The following MYO9B variants were observed in gnomAD, a reference collection of about 807,000 sequenced individuals.
MYO9B encodes the protein unconventional myosin-IXb.
MYO9B carries 71 observed loss-of-function variants against 229.5 expected under a neutral mutation model. The ratio of observed to expected loss-of-function variants is 0.31; its 90% CI spans 0.26 to 0.38. The LOEUF is 0.38. Among genes scored for constraint, MYO9B ranks in the 10% least tolerant of loss-of-function variants. The pLI is 1.00. For missense variants in MYO9B, 2,255 were observed against 2,920.5 expected (o/e 0.77, Z 5.25); for synonymous variants, 1,185 against 1,235.8 (o/e 0.96, Z 0.86).
chr19:17,198,619 C>T (rs372891954), intron 24 of MYO9B, among the ~76,000 whole-genome samples: 1 of 151,778 alleles, frequency 6.6e-6, no homozygotes, highest in Non-Finnish European at 1.5e-5. Flanking sequence ...CCTATAATCC[C>T]AGCCACTCGG....
chr19:17,101,690 G>T lies in MYO9B; in HGVS notation c.-28G>T, dbSNP rs1386960801. The T allele has an allele frequency of 6.5e-7, 1 of 1,535,744 alleles. No individual in the cohort carries two copies. The highest frequency in any genetic ancestry group is 1.4e-5 in the African/African-American group (1 of 72,922). On this transcript the variant is annotated 5_prime_UTR_variant, in exon 2 of 40. It adds an upstream start codon to the 5' untranslated region. Coordinates refer to ENST00000682292, the MANE Select transcript of MYO9B (RefSeq NM_004145.4). This position sits in a 1 kb window ranked among gnomAD's most constrained non-coding sequence, Gnocchi z 4.7. ...GGACACGCGCGCCCCGAGCCTGGGA[G>T]GCATGCTGAAGCCAGGCGGCCGGCA... is the stretch of plus-strand genomic sequence containing the variant.
At chr19:17,184,835 G>A (rs1202137697) in intron 16 of MYO9B, 30 bp from the exon 17 acceptor site, 3 of 1,612,882 alleles carry the variant, frequency 1.9e-6, no homozygotes, top group Admixed American at 1.7e-5. Context: ...GCTGTGGGAG[G>A]GCAGGCCGGA....
Position 17,211,657 on chromosome 19 carries a change from A to G in MYO9B, c.5941A>G (p.Thr1981Ala), listed in dbSNP as rs958148141. The G allele has an allele frequency of 6.2e-7, 1 of 1,604,034 alleles. No homozygotes were observed. ...QSIKEEKEDI[T>A]YRLPELDPRG... ...CCCTTTTTCCTCCAGGGAGGACATCACCTACCGGCTGCCGGAGCTGGACCC... is the reference window on the plus strand; with the variant it reads ...CCCTTTTTCCTCCAGGGAGGACATCGCCTACCGGCTGCCGGAGCTGGACCC... The change falls in exon 39 of 40, where the codon ACC (threonine) becomes GCC (alanine). Residue 1981 changes from threonine to alanine, a missense_variant. Physicochemically the swap from Thr to Ala is moderately conservative, Grantham distance 58. Around this residue, in one of 7 missense-constraint regions of MYO9B, gnomAD observed 331 missense variants for 332.5 expected, o/e 1.00. Transcript: ENST00000682292.
intron 1 of MYO9B, among the ~76,000 whole-genome samples, chr19:17,098,683 C>T (rs1293360707): frequency 6.6e-6 from 1 of 152,148 alleles, no homozygotes; most frequent in Non-Finnish European, 1.5e-5. Flanking sequence ...AATCTCAGCA[C>T]TCTAGGGGGC....
At position 17,128,555 on chromosome 19, in the gene MYO9B, T is replaced by G. The variant is rs367594564; in HGVS notation, c.841-16842T>G. Among the ~76,000 whole-genome samples the G allele has an allele frequency of 5.3e-5, 8 of 152,226 alleles. No individual in the cohort carries two copies. The East Asian group carries it at 1.3e-3, about 26-fold the overall frequency. On this transcript the variant is annotated intron_variant, in intron 2 of 39. Coordinates refer to ENST00000682292, the MANE Select transcript of MYO9B (RefSeq NM_004145.4). ...CCTCAGGCGTCCTGGGACAGGGCAC[T>G]GCCCATAGGGCTCCTGTGTCCATGA...
In MYO9B at chr19:17,187,936, A is replaced by G. The variant is rs2072937206; in HGVS notation, c.2579A>G (p.Lys860Arg). Reference protein sequence around the residue: ...IRCIRSNAEKKELCFDDELVL... With the variant: ...IRCIRSNAEKRELCFDDELVL... ...TGATGTCTCGCATTCCCATTTCAGA[A>G]AGAGCTGTGCTTTGACGACGAGCTG... The change falls in exon 19 of 40, where the codon AAA becomes AGA. Residue 860 changes from lysine to arginine, a missense_variant and splice_region_variant. Physicochemically the swap from Lys to Arg is conservative, Grantham distance 26 (BLOSUM62 2). Coordinates refer to ENST00000682292, the MANE Select transcript of MYO9B (RefSeq NM_004145.4). 1 of 1,580,640 alleles carries G rather than the reference A, an allele frequency of 6.3e-7. No homozygotes were observed. Among genetic ancestry groups the G allele is most frequent in the Non-Finnish European group, 8.6e-7 (1 of 1,163,226 alleles).
At position 17,181,051 on chromosome 19, in the gene MYO9B, C is replaced by A. The variant is rs759991723; in HGVS notation, c.2333+11C>A. On this transcript the variant is annotated intron_variant, in intron 15 of 39. Coordinates refer to ENST00000682292, the MANE Select transcript of MYO9B (RefSeq NM_004145.4). ...CCGCGCCTTCATCCTGTGAGTCCCC[C>A]ACCAAGGCCCTGCTTACAAGTGCGA... is the stretch of plus-strand genomic sequence containing the variant. The A allele has an allele frequency of 1.3e-6, 2 of 1,578,612 alleles. No individual in the cohort carries two copies. Among genetic ancestry groups the A allele is most frequent in the South Asian group, 1.1e-5 (1 of 88,640 alleles).
chr19:17,193,813 G>C lies in MYO9B; in HGVS notation c.3129-743G>C, dbSNP rs1321995243. On this transcript the variant is annotated intron_variant, in intron 21 of 39. Transcript: ENST00000682292. This position sits in a 1 kb window ranked among gnomAD's most constrained non-coding sequence, Gnocchi z 4.3. Reference sequence around the variant, plus strand: ...GGATCACCTGGGCCTGGGATGTCGAGGCTGCAGTGAGCTATGATCACACCA... The same window carrying C: ...GGATCACCTGGGCCTGGGATGTCGACGCTGCAGTGAGCTATGATCACACCA... 6.6e-6 allele frequency among the ~76,000 whole-genome samples: 1 copy of C among 152,174 alleles called. No individual in the cohort carries two copies. Among genetic ancestry groups the C allele is most frequent in the Non-Finnish European group, 1.5e-5 (1 of 68,030 alleles).
intron 11 of MYO9B, among the ~76,000 whole-genome samples, chr19:17,170,618 C>G (rs2072712203): frequency 7.8e-6 from 1 of 127,844 alleles, no homozygotes; most frequent in Non-Finnish European, 1.6e-5. Flanking sequence ...AAAGACCAGC[C>G]TGGGCACCAT....
rs1267334185 is a variant in MYO9B, at chr19:17,154,342, G to C, written c.1126G>C (p.Asp376His). 6.2e-7 allele frequency: 1 copy of C among 1,613,076 alleles called. No homozygotes were observed. Among genetic ancestry groups the C allele is most frequent in the Non-Finnish European group, 8.5e-7 (1 of 1,179,224 alleles). Residue 376 changes from aspartate (D) to histidine (H), a missense_variant, in exon 6 of 40, where the codon GAC becomes CAC. Asp to His is a moderately conservative substitution (Grantham distance 81). Coordinates refer to ENST00000682292, the MANE Select transcript of MYO9B (RefSeq NM_004145.4). ...TAACTTGAAGATTGAAGATGGGGAG[G>C]ACCTGAAGCATGACTTTGAGAGGCT... ...QHNLKIEDGEDLKHDFERLKQ... is the reference protein window; with the variant it reads ...QHNLKIEDGEHLKHDFERLKQ...
intron 2 of MYO9B, among the ~76,000 whole-genome samples, chr19:17,128,899 C>A (rs1420695539): frequency 1.7e-4 from 26 of 152,216 alleles, no homozygotes; most frequent in Non-Finnish European, 3.5e-4. Flanking sequence ...CTCTTTCAGC[C>A]CCTTTCTTTA....
At chr19:17,209,786 C>T in intron 36 of MYO9B, 77 bp downstream of exon 36, 2 of 1,297,224 alleles carry the variant, frequency 1.5e-6, no homozygotes, top group Non-Finnish European at 2.1e-6. Flanking sequence ...TTGGGCGTGG[C>T]TTTGTTGCTG....
At chr19:17,169,474 C>G (rs1251447829) in intron 11 of MYO9B, among the ~76,000 whole-genome samples, 1 of 151,984 alleles carries the variant, frequency 6.6e-6, no homozygotes, top group Non-Finnish European at 1.5e-5. Context: ...CAAAAATTAG[C>G]CAGGCATGGT....
rs1219354549 is a variant in MYO9B at position 17,109,767 on chromosome 19, T to C, written c.840+7210T>C. Among the ~76,000 whole-genome samples the C allele has an allele frequency of 3.3e-5, 5 of 152,276 alleles. No individual in the cohort carries two copies. The East Asian group carries it at 9.6e-4, about 29-fold the overall frequency. ...CTCTCCCTCCGTCGTCACCTGGTCT[T>C]CTCCCCTGTGTGTGTCCAATCTCCC... On this transcript the variant is annotated intron_variant, in intron 2 of 39. Transcript: ENST00000682292.
chr19:17,174,429 G>A (rs2072760856), intron 13 of MYO9B, among the ~76,000 whole-genome samples: 1 of 152,080 alleles, frequency 6.6e-6, no homozygotes, highest in Non-Finnish European at 1.5e-5. Flanking sequence ...TTGAGGTCGG[G>A]TTCAAGAGCA....
chr19:17,089,339 C>T lies in MYO9B; in HGVS notation c.-58-12321C>T, dbSNP rs537069327. Among the ~76,000 whole-genome samples, 8 of 152,216 alleles carry T rather than the reference C, an allele frequency of 5.3e-5. No homozygotes were observed. In the South Asian group the frequency reaches 1.0e-3, roughly 20 times the overall value. On this transcript the variant is annotated intron_variant, in intron 1 of 39. Transcript: ENST00000682292. ...AAAATGTGAAATGCACTGAATGCTG[C>T]ACGATGCATCCTAAATGAGTCTGCT...
intron 10 of MYO9B, among the ~76,000 whole-genome samples, chr19:17,166,553 G>C (rs1411023692): frequency 6.6e-6 from 1 of 151,584 alleles, no homozygotes; most frequent in East Asian, 1.9e-4. Context: ...TGTTACATAG[G>C]TAAACTTGTG....
At chr19:17,134,264 G>T (rs1016368171) in intron 2 of MYO9B, among the ~76,000 whole-genome samples, 8 of 151,196 alleles carry the variant, frequency 5.3e-5, no homozygotes, top group Admixed American at 5.3e-4. Flanking sequence ...AATTCTACAC[G>T]AGTGAGATCA....
chr19:17,187,836 G>A, intron 18 of MYO9B, 99 bp from the exon 19 acceptor site: 1 of 949,452 alleles, frequency 1.1e-6, no homozygotes, highest in Non-Finnish European at 1.6e-6. Flanking sequence ...GCATGGGGAA[G>A]TGCCCTCATC....
Sources: allele counts gnomAD v4.1 joint callset (sites outside exome capture counted in the v4.1 genomes callset), GRCh38; gene constraint gnomAD v4.1.1; regional missense constraint gnomAD v4.1.1; non-coding constraint Gnocchi (gnomAD v3.1); transcripts MANE v1.5; gene names NCBI Gene and HGNC (gene_info 2026-07-23, HGNC 2026-07-21).